SNX29: variants seen among roughly 807,000 people sequenced by gnomAD.
SNX29 encodes sorting nexin 29, also known as sorting nexin-29.
In SNX29, 78 loss-of-function variants were observed where a neutral mutation model predicts 102.1. The ratio of observed to expected loss-of-function variants is 0.76; its 90% CI spans 0.64 to 0.92. The LOEUF (loss-of-function observed/expected upper bound fraction) is 0.92. Ranked by LOEUF, SNX29 falls within the 40% of genes least tolerant of loss-of-function variation. The pLI, the probability that SNX29 is intolerant of heterozygous loss-of-function variation, is 0.00. For synonymous variants in SNX29, 580 were observed against 414.5 expected (o/e 1.40, Z -4.85); for missense variants, 1,280 against 1,061.7 (o/e 1.21, Z -2.86).
At chr16:12,439,584 G>C (rs560439065) in intron 18 of SNX29, among the ~76,000 whole-genome samples, 2 of 152,136 alleles carry the variant, frequency 1.3e-5, no homozygotes, top group African/African-American at 4.8e-5. Flanking sequence ...ATCAGATCTC[G>C]TGAGACTCAT....
At chr16:12,211,683 C>T (rs1230014442) in intron 14 of SNX29, among the ~76,000 whole-genome samples, 3 of 152,068 alleles carry the variant, frequency 2.0e-5, no homozygotes, top group Non-Finnish European at 2.9e-5. Flanking sequence ...GGCTGGAGTC[C>T]AGAGAGAAAC....
At chr16:11,982,420 T>A (rs1022132824) in intron 1 of SNX29, among the ~76,000 whole-genome samples, 11 of 133,474 alleles carry the variant, frequency 8.2e-5, no homozygotes, top group Admixed American at 3.6e-4. Context: ...CTCCTTTCCA[T>A]CAGTTTTTTT....
intron 20 of SNX29, among the ~76,000 whole-genome samples, chr16:12,529,769 G>C (rs914110511): frequency 2.0e-5 from 3 of 152,100 alleles, no homozygotes; most frequent in African/African-American, 7.2e-5. Context: ...CCAGTGAGCA[G>C]GTTACGTTTA....
At chr16:12,533,231 C>A (rs531882131) in intron 20 of SNX29, among the ~76,000 whole-genome samples, 45 of 152,352 alleles carry the variant, frequency 3.0e-4, no homozygotes, top group Non-Finnish European at 4.6e-4. Flanking sequence ...TGCTGTTTTG[C>A]CCAAAGGGCA....
chr16:12,028,508 C>G (rs1478290719), intron 4 of SNX29, among the ~76,000 whole-genome samples: 1 of 151,792 alleles, frequency 6.6e-6, no homozygotes, highest in African/African-American at 2.4e-5. Context: ...GGATTGCAGG[C>G]TTGCACCACC....
intron 19 of SNX29, among the ~76,000 whole-genome samples, chr16:12,493,799 C>G (rs1227284167): frequency 1.3e-5 from 2 of 152,176 alleles, no homozygotes; most frequent in East Asian, 1.9e-4. Flanking sequence ...ACCATGTTGG[C>G]CAGACTGGTT....
intron 15 of SNX29, among the ~76,000 whole-genome samples, chr16:12,334,312 A>T (rs8061578): frequency 0.058 from 8,767 of 152,206 alleles, 669 homozygotes; most frequent in African/African-American, 0.17. Context: ...GTCCTTTGGT[A>T]GAGAAACATG....
intron 15 of SNX29, among the ~76,000 whole-genome samples, chr16:12,355,313 C>T (rs939667930): frequency 6.6e-6 from 1 of 152,164 alleles, no homozygotes. Context: ...AGAGCTTCTC[C>T]CTGTATCCCT....
chr16:12,403,944 AG>A (rs1462536354), intron 18 of SNX29, among the ~76,000 whole-genome samples: 1 of 152,138 alleles, frequency 6.6e-6, no homozygotes, highest in Admixed American at 6.5e-5. Context: ...GTGGGTTGAC[AG>A]GATGACCCCA....
chr16:12,132,638 C>T (rs543292887), intron 13 of SNX29, among the ~76,000 whole-genome samples: 17 of 152,240 alleles, frequency 1.1e-4, no homozygotes, highest in Non-Finnish European at 2.1e-4. Flanking sequence ...CCACAGGAAG[C>T]GTGTTTTAGT....
At chr16:12,546,650 C>T (rs532391599) in intron 20 of SNX29, 1 of 152,244 alleles carries the variant, frequency 6.6e-6, no homozygotes, top group Non-Finnish European at 1.5e-5. Context: ...AAACAATTAC[C>T]AAGAAGAGTG....
chr16:12,391,882 T>C (rs914241342), intron 16 of SNX29, among the ~76,000 whole-genome samples: 1 of 152,204 alleles, frequency 6.6e-6, no homozygotes, highest in Non-Finnish European at 1.5e-5. Context: ...AATTGCGTGA[T>C]TGTTACGTTG....
At chr16:12,159,608 C>A (rs1004457451) in intron 13 of SNX29, among the ~76,000 whole-genome samples, 1 of 152,170 alleles carries the variant, frequency 6.6e-6, no homozygotes, top group African/African-American at 2.4e-5. Context: ...ACCTGTAATC[C>A]TAACACTTTG....
intron 14 of SNX29, among the ~76,000 whole-genome samples, chr16:12,226,795 C>A (rs1292311472): frequency 6.6e-6 from 1 of 152,020 alleles, no homozygotes; most frequent in African/African-American, 2.4e-5. Flanking sequence ...CTAGGCTGGT[C>A]TCGAACTCCC....
At chr16:12,509,275 C>T (rs1337773030) in intron 19 of SNX29, among the ~76,000 whole-genome samples, 2 of 152,154 alleles carry the variant, frequency 1.3e-5, no homozygotes, top group African/African-American at 4.8e-5. Context: ...ACTCGGTGAT[C>T]ACAAGGGAAG....
chr16:12,549,066 C>T lies in SNX29; in HGVS notation c.2319-19440C>T, dbSNP rs551304424. On this transcript the variant is annotated intron_variant, in intron 20 of 20. Coordinates refer to ENST00000566228, the MANE Select transcript of SNX29 (RefSeq NM_032167.5). ...GAGTCCACTCTTGCAGCTGGGCAGG[C>T]ATCATAGTGTTCGGCTCCCTGTTAC... 3.9e-5 allele frequency among the ~76,000 whole-genome samples: 6 copies of T among 152,322 alleles called. No homozygotes were observed. The South Asian group carries it at 6.2e-4, about 16-fold the overall frequency.
chr16:12,294,106 C>T (rs867341915), intron 15 of SNX29, among the ~76,000 whole-genome samples: 1 of 152,216 alleles, frequency 6.6e-6, no homozygotes, highest in African/African-American at 2.4e-5. Flanking sequence ...CACTGCTGGT[C>T]AGAATGTGAG....
chr16:12,048,567 A>G lies in SNX29; in HGVS notation c.695A>G (p.Lys232Arg), dbSNP rs1418248066. 4 of 1,613,680 alleles carry G rather than the reference A, an allele frequency of 2.5e-6. No homozygotes were observed. Among genetic ancestry groups the G allele is most frequent in the African/African-American group, 2.7e-5 (2 of 74,858 alleles). Residue 232 changes from lysine (K) to arginine (R), a missense_variant, in exon 7 of 21, where the codon AAA (lysine) becomes AGA (arginine). Coordinates refer to ENST00000566228, the MANE Select transcript of SNX29 (RefSeq NM_032167.5). ...TASSAVSILI[K>R]PEQETDPLPV... The stretch of plus-strand genomic sequence containing the variant: ...TCCTCTGCCGTCTCCATCCTCATCA[A>G]ACCTGAACAGGAGACCGACCCCTTG...
chr16:12,048,347 C>T (rs1271898975), intron 6 of SNX29, 25 bp from the exon 7 acceptor site: 1 of 1,613,814 alleles, frequency 6.2e-7, no homozygotes, highest in Non-Finnish European at 8.5e-7. Context: ...GCAAGCACTC[C>T]AGACTTTTCC....
Sources: allele counts gnomAD v4.1 joint callset (sites outside exome capture counted in the v4.1 genomes callset), GRCh38; gene constraint gnomAD v4.1.1; transcripts MANE v1.5; gene names NCBI Gene and HGNC (gene_info 2026-07-23, HGNC 2026-07-21).